The following PAXIP1 variants were observed in gnomAD, a reference collection of about 807,000 sequenced individuals.
PAXIP1 encodes the protein PAX interacting protein 1.
A neutral mutation model predicts 140.6 loss-of-function variants in PAXIP1; 19 were observed. That is an observed-to-expected ratio of 0.14 (90% CI 0.09 to 0.20). PAXIP1 has a LOEUF of 0.20. Ranked by LOEUF, PAXIP1 falls within the 10% of genes least tolerant of loss-of-function variation. The probability of loss-of-function intolerance (pLI) is 1.00; values close to 1 mark genes in which losing one functional copy is unlikely to be tolerated. For synonymous variants in PAXIP1, 442 were observed against 444.6 expected (o/e 0.99, Z 0.07); for missense variants, 920 against 1,208.6 (o/e 0.76, Z 3.54).
chr7:154,977,653 CAAAG>C (rs1398511422), intron 5 of PAXIP1, among the ~76,000 whole-genome samples: 2 of 152,008 alleles, frequency 1.3e-5, no homozygotes, highest in Admixed American at 1.3e-4. Flanking sequence ...AGAAGCTAAG[CAAAG>C]GAAAATGAAT....
intron 4 of PAXIP1, among the ~76,000 whole-genome samples, chr7:154,984,708 T>C (rs1018607280): frequency 2.6e-5 from 4 of 152,230 alleles, no homozygotes; most frequent in Admixed American, 2.6e-4. Flanking sequence ...ATTTATATCC[T>C]GCAGCATTGG....
At position 154,954,988 on chromosome 7, in the gene PAXIP1, C is replaced by T. The variant is rs1259243776; in HGVS notation, c.2652+541G>A. On this transcript the variant is annotated intron_variant, in intron 15 of 20. Coordinates refer to ENST00000404141, the MANE Select transcript of PAXIP1 (RefSeq NM_007349.4). This position sits in a 1 kb window ranked among gnomAD's most constrained non-coding sequence, Gnocchi z 5.1. Reference sequence around the variant, plus strand: ...AAACCAGGAGTAAAATGTACGAATCCACCATAATACAGGTCAACTTATACT... The same window carrying T: ...AAACCAGGAGTAAAATGTACGAATCTACCATAATACAGGTCAACTTATACT... Among the ~76,000 whole-genome samples, 1 of 152,148 alleles carries T rather than the reference C, an allele frequency of 6.6e-6. No individual in the cohort carries two copies. Among genetic ancestry groups the T allele is most frequent in the Non-Finnish European group, 1.5e-5 (1 of 68,022 alleles).
intron 3 of PAXIP1, among the ~76,000 whole-genome samples, chr7:154,993,295 G>A (rs1810432061): frequency 6.6e-6 from 1 of 152,172 alleles, no homozygotes; most frequent in African/African-American, 2.4e-5. Context: ...CAGCACAGGT[G>A]CACTGAATTA....
At chr7:154,998,462 C>T (rs1348369210) in intron 2 of PAXIP1, among the ~76,000 whole-genome samples, 188 bp downstream of exon 2, 1 of 151,938 alleles carries the variant, frequency 6.6e-6, no homozygotes, top group Non-Finnish European at 1.5e-5. Flanking sequence ...GAGCTGAGAT[C>T]GTGCCATTGC....
intron 5 of PAXIP1, among the ~76,000 whole-genome samples, chr7:154,979,728 T>C (rs1462590314): frequency 6.6e-6 from 1 of 152,014 alleles, no homozygotes; most frequent in Non-Finnish European, 1.5e-5. Context: ...CCAGAATATA[T>C]GGTTCCTTCA....
chr7:154,966,808 C>T (rs1206668561), intron 8 of PAXIP1, among the ~76,000 whole-genome samples: 1 of 152,176 alleles, frequency 6.6e-6, no homozygotes, highest in Non-Finnish European at 1.5e-5. Context: ...ATCTAAACTT[C>T]ACCACATGGC....
chr7:154,962,661 T>C (rs71534174), intron 9 of PAXIP1: 18,302 of 457,466 alleles, frequency 0.04, 478 homozygotes, highest in Middle Eastern at 0.07. Context: ...TTACTATCCA[T>C]CTGCAAACAA....
Position 154,968,889 on chromosome 7 carries a change from G to T in PAXIP1, c.1312C>A (p.Gln438Lys). 1 of 1,087,918 alleles carries T rather than the reference G, an allele frequency of 9.2e-7. No individual in the cohort carries two copies. The highest frequency in any genetic ancestry group is 1.4e-6 in the Non-Finnish European group (1 of 724,594). 67.4% of individuals were successfully genotyped at this position (1,087,918 alleles called of 1,614,324 possible). The change falls in exon 7 of 21, where the codon CAA becomes AAA. Residue 438 changes from glutamine (Q) to lysine (K), a missense_variant. Physicochemically the swap from Gln to Lys is moderately conservative, Grantham distance 53. This residue lies in a region of PAXIP1 where 133 missense variants were observed against 88.4 expected (regional missense o/e 1.50). Transcript: ENST00000404141. ...QQQQQQQISQQPYPQQPPHPF... is the reference protein window; with the variant it reads ...QQQQQQQISQKPYPQQPPHPF... ...TGCGGCGGCTGCTGGGGGTAAGGTT[G>T]CTGAGAGATCTGCTGCTGCTGCTGC...
rs112645129 is a variant in PAXIP1, at chr7:154,961,991, T to C, written c.2127+330A>G. Among the ~76,000 whole-genome samples, 1,432 of 152,322 alleles carry C rather than the reference T, an allele frequency of 9.4e-3. 25 individuals are homozygous for C. The highest frequency in any genetic ancestry group is 0.031 in the African/African-American group (1,293 of 41,584). ...TCACTGATCCCAACGCTGAGATCAT[T>C]TGAGTGGGAAGACCCACAACTATTG... On this transcript the variant is annotated intron_variant, in intron 10 of 20. Coordinates refer to ENST00000404141, the MANE Select transcript of PAXIP1 (RefSeq NM_007349.4).
intron 3 of PAXIP1, among the ~76,000 whole-genome samples, chr7:154,991,359 T>C (rs1409316363): frequency 6.6e-6 from 1 of 152,256 alleles, no homozygotes; most frequent in East Asian, 1.9e-4. Context: ...CTCTGATAGC[T>C]AGCTAACTAT....
chr7:154,958,974 T>A (rs901017403), intron 13 of PAXIP1, among the ~76,000 whole-genome samples: 10 of 152,220 alleles, frequency 6.6e-5, no homozygotes, highest in Admixed American at 2.0e-4. Flanking sequence ...ACATCTATGA[T>A]CACATTATCA....
In PAXIP1 at chr7:154,967,800, C is replaced by G; in HGVS notation, c.1893+16G>C. On this transcript the variant is annotated intron_variant, in intron 8 of 20. Coordinates refer to ENST00000404141, the MANE Select transcript of PAXIP1 (RefSeq NM_007349.4). Reference sequence around the variant, plus strand: ...ATCTTCAGACACAGTCATCCTTCCTCCAGGCACAATCTCACCCTTTTCCAG... The same window carrying G: ...ATCTTCAGACACAGTCATCCTTCCTGCAGGCACAATCTCACCCTTTTCCAG... 6.3e-7 allele frequency: 1 copy of G among 1,580,988 alleles called. No individual in the cohort carries two copies. The highest frequency in any genetic ancestry group is 8.7e-7 in the Non-Finnish European group (1 of 1,150,274).
intron 20 of PAXIP1, 88 bp from the exon 21 acceptor site, chr7:154,944,252 G>T: frequency 8.5e-7 from 1 of 1,181,432 alleles, no homozygotes; most frequent in East Asian, 2.5e-5. Flanking sequence ...TCCAGTTTCA[G>T]AGACACCCTT....
In PAXIP1 at chr7:154,946,756, T is replaced by C. The variant is rs753956808; in HGVS notation, c.2980A>G (p.Ile994Val). ...ICPSLSTMKA[I>V]VECAGGKVLS... The stretch of plus-strand genomic sequence containing the variant: ...ACCTTTCCTCCTGCACACTCTACGA[T>C]TGCCTTCATAGTGGAAAGACTTGGG... Residue 994 changes from isoleucine to valine, a missense_variant, in exon 18 of 21, where the codon ATC (isoleucine) becomes GTC (valine). Physicochemically the swap from Ile to Val is conservative, Grantham distance 29. Around this residue, in one of 5 missense-constraint regions of PAXIP1, gnomAD observed 303 missense variants for 517.9 expected, o/e 0.59. Coordinates refer to ENST00000404141, the MANE Select transcript of PAXIP1 (RefSeq NM_007349.4). The surrounding 1 kb of genome is among the most constrained non-coding windows in gnomAD (Gnocchi z 4.9). 6 of 1,612,838 alleles carry C rather than the reference T, an allele frequency of 3.7e-6. No homozygotes were observed. Among genetic ancestry groups the C allele is most frequent in the South Asian group, 3.3e-5 (3 of 90,900 alleles).
At position 154,955,536 on chromosome 7, in the gene PAXIP1, T is replaced by C; in HGVS notation, c.2645A>G (p.Tyr882Cys). 1 of 1,602,104 alleles carries C rather than the reference T, an allele frequency of 6.2e-7. No individual in the cohort carries two copies. Among genetic ancestry groups the C allele is most frequent in the Non-Finnish European group, 8.5e-7 (1 of 1,170,266 alleles). Reference protein sequence around the residue: ...TGFEPVQVQQYIKKLYILGGE... With the variant: ...TGFEPVQVQQCIKKLYILGGE... ...AAGTAGATGAAATTTCACCTTAATA[T>C]ACTGTTGAACCTGGACAGGCTCGAA... The change falls in exon 15 of 21, where the codon TAT becomes TGT. Residue 882 changes from tyrosine (Y) to cysteine (C), a missense_variant. This residue lies in a region of PAXIP1 where 303 missense variants were observed against 517.9 expected (regional missense o/e 0.59). Transcript: ENST00000404141.
At position 155,002,772 on chromosome 7, in the gene PAXIP1, G is replaced by GCGGGGA. The variant is rs371145514; in HGVS notation, c.81+71_81+76dup. The GCGGGGA allele has an allele frequency of 2.1e-3, 1,710 of 800,084 alleles. 4 individuals are homozygous for GCGGGGA. Among genetic ancestry groups the GCGGGGA allele is most frequent in the Middle Eastern group, 5.6e-3 (13 of 2,326 alleles). 49.6% of individuals were successfully genotyped at this position (800,084 alleles called of 1,614,324 possible). On this transcript the variant is annotated intron_variant, in intron 1 of 20. Coordinates refer to ENST00000404141, the MANE Select transcript of PAXIP1 (RefSeq NM_007349.4). ...CGCCCGGCGCGCGCCCGCGGCAGGA[G>GCGGGGA]CGGGGACGGGGACGGGGACGGGGAC... is the stretch of plus-strand genomic sequence containing the variant.
At chr7:154,959,971 G>A (rs369937588) in intron 12 of PAXIP1, 38 bp from the exon 13 acceptor site, 45 of 1,428,978 alleles carry the variant, frequency 3.1e-5, no homozygotes, top group East Asian at 1.8e-4. Context: ...TGATAGATAC[G>A]TTGTTTAAAT....
chr7:154,972,038 C>A (rs1393010464), intron 6 of PAXIP1, among the ~76,000 whole-genome samples: 1 of 152,216 alleles, frequency 6.6e-6, no homozygotes, highest in African/African-American at 2.4e-5. Flanking sequence ...CTGAGTATAT[C>A]AAATTTGTCT....
chr7:154,988,909 TA>T (rs1284828167), intron 4 of PAXIP1, among the ~76,000 whole-genome samples: 1 of 152,266 alleles, frequency 6.6e-6, no homozygotes, highest in Non-Finnish European at 1.5e-5. Flanking sequence ...AAGTTGATTG[TA>T]AATTTGGAAC....
Sources: allele counts gnomAD v4.1 joint callset (sites outside exome capture counted in the v4.1 genomes callset), GRCh38; gene constraint gnomAD v4.1.1; regional missense constraint gnomAD v4.1.1; non-coding constraint Gnocchi (gnomAD v3.1); transcripts MANE v1.5; gene names NCBI Gene and HGNC (gene_info 2026-07-23, HGNC 2026-07-21).